NTNG1: variants seen among roughly 807,000 people sequenced by gnomAD.
NTNG1 encodes the protein netrin-G1.
A neutral mutation model predicts 54.0 loss-of-function variants in NTNG1; 16 were observed. The observed-to-expected ratio is 0.30, with a 90% CI of 0.20 to 0.45. NTNG1 has a LOEUF of 0.45. Among genes scored for constraint, NTNG1 ranks in the 20% least tolerant of loss-of-function variants. The probability of loss-of-function intolerance (pLI) is 1.00; values close to 1 mark genes in which losing one functional copy is unlikely to be tolerated. For missense variants in NTNG1, 530 were observed against 678.7 expected, an observed-to-expected ratio of 0.78 and a Z score of 2.43; for synonymous variants, 255 against 263.1, an observed-to-expected ratio of 0.97 and a Z score of 0.30.
intron 2 of NTNG1, among the ~76,000 whole-genome samples, chr1:107,207,209 A>G (rs1659263027): frequency 6.6e-6 from 1 of 152,162 alleles, no homozygotes; most frequent in Non-Finnish European, 1.5e-5. Flanking sequence ...CCTCTATAAT[A>G]GCAGAGCTGT....
intron 7 of NTNG1, among the ~76,000 whole-genome samples, 183 bp downstream of exon 7, chr1:107,436,982 T>C (rs1675640910): frequency 6.6e-6 from 1 of 152,190 alleles, no homozygotes; most frequent in Non-Finnish European, 1.5e-5. Context: ...ACTGGCTTTT[T>C]TGAAGCCCAT....
intron 2 of NTNG1, among the ~76,000 whole-genome samples, chr1:107,214,825 C>G (rs1034054846): frequency 3.4e-5 from 5 of 148,022 alleles, no homozygotes; most frequent in Non-Finnish European, 7.4e-5. Context: ...TATGGCCATT[C>G]TTGCAGGAGT....
At chr1:107,343,193 C>T (rs560054675) in intron 3 of NTNG1, among the ~76,000 whole-genome samples, 1 of 152,088 alleles carries the variant, frequency 6.6e-6, no homozygotes, top group Non-Finnish European at 1.5e-5. Context: ...GAATCAGAGC[C>T]TTCATAATTT....
At chr1:107,215,656 G>A (rs111964446) in intron 2 of NTNG1, among the ~76,000 whole-genome samples, 1 of 151,884 alleles carries the variant, frequency 6.6e-6, no homozygotes. Context: ...TTTGAGATTT[G>A]TTTTCTAGTT....
intron 2 of NTNG1, among the ~76,000 whole-genome samples, chr1:107,174,549 C>T (rs1052431688): frequency 2.0e-5 from 3 of 152,026 alleles, no homozygotes; most frequent in Non-Finnish European, 2.9e-5. Flanking sequence ...CCCACCAAGA[C>T]TTCCAAAGTG....
chr1:107,435,971 C>G (rs1485980309), intron 6 of NTNG1, among the ~76,000 whole-genome samples: 2 of 152,072 alleles, frequency 1.3e-5, no homozygotes, highest in African/African-American at 4.8e-5. Flanking sequence ...TTTTATTGTG[C>G]AAAGCTGTAT....
chr1:107,190,010 C>T (rs1657786398), intron 2 of NTNG1, among the ~76,000 whole-genome samples: 1 of 152,076 alleles, frequency 6.6e-6, no homozygotes, highest in Non-Finnish European at 1.5e-5. Context: ...TTGATACATG[C>T]TACAATATGG....
intron 7 of NTNG1, among the ~76,000 whole-genome samples, chr1:107,465,908 C>G: frequency 6.6e-6 from 1 of 152,098 alleles, no homozygotes; most frequent in Non-Finnish European, 1.5e-5. Flanking sequence ...TGTTTCTGGC[C>G]TTTTAATTAT....
intron 2 of NTNG1, among the ~76,000 whole-genome samples, chr1:107,221,193 G>A (rs1322642780): frequency 6.6e-6 from 1 of 151,844 alleles, no homozygotes; most frequent in Non-Finnish European, 1.5e-5. Context: ...TATGAAAAAG[G>A]CAATTTCATA....
intron 3 of NTNG1, among the ~76,000 whole-genome samples, chr1:107,376,429 C>CA (rs1005830149): frequency 4.3e-5 from 5 of 116,086 alleles, no homozygotes; most frequent in African/African-American, 1.6e-4. Flanking sequence ...AAAAAAAAAA[C>CA]AAAAAAAAAA....
chr1:107,310,799 C>T (rs567401050), intron 2 of NTNG1, among the ~76,000 whole-genome samples: 63 of 152,122 alleles, frequency 4.1e-4, no homozygotes, highest in African/African-American at 1.5e-3. Flanking sequence ...ATACACTACC[C>T]ATGTCCCAAA....
intron 4 of NTNG1, among the ~76,000 whole-genome samples, chr1:107,403,372 C>T (rs1358587529): frequency 2.6e-5 from 4 of 152,002 alleles, no homozygotes; most frequent in South Asian, 2.1e-4. Flanking sequence ...CTAGAAGAAG[C>T]GTTATTATTA....
chr1:107,176,049 G>T (rs1460703689), intron 2 of NTNG1, among the ~76,000 whole-genome samples: 1 of 152,120 alleles, frequency 6.6e-6, no homozygotes, highest in Non-Finnish European at 1.5e-5. Context: ...AGGCAATTGG[G>T]TAAGACAAGG....
At chr1:107,358,787 C>T (rs1048541407) in intron 3 of NTNG1, among the ~76,000 whole-genome samples, 2 of 152,026 alleles carry the variant, frequency 1.3e-5, no homozygotes, top group African/African-American at 2.4e-5. Context: ...GCCATAACAC[C>T]CTGCTGTGAG....
intron 7 of NTNG1, among the ~76,000 whole-genome samples, chr1:107,464,012 T>C (rs1571018130): frequency 2.0e-5 from 3 of 152,198 alleles, no homozygotes; most frequent in Admixed American, 2.0e-4. Flanking sequence ...AAGCAATTAG[T>C]GGCAGTTAGG....
chr1:107,260,042 A>G (rs1663205613), intron 2 of NTNG1, among the ~76,000 whole-genome samples: 1 of 151,922 alleles, frequency 6.6e-6, no homozygotes, highest in African/African-American at 2.4e-5. Flanking sequence ...ATTATAGGTT[A>G]TCTAAAATAT....
intron 2 of NTNG1, among the ~76,000 whole-genome samples, chr1:107,286,539 C>T (rs1382351755): frequency 6.6e-5 from 10 of 152,110 alleles, no homozygotes; most frequent in South Asian, 4.2e-4. Flanking sequence ...AATTTATATC[C>T]GATTTTCTAC....
chr1:107,273,930 T>TG (rs1360325591), intron 2 of NTNG1, among the ~76,000 whole-genome samples: 1 of 130,158 alleles, frequency 7.7e-6, no homozygotes, highest in Non-Finnish European at 1.6e-5. Context: ...ATTACTGAAG[T>TG]GATTTATCAT....
At chr1:107,454,358 C>A (rs1221868190) in intron 7 of NTNG1, among the ~76,000 whole-genome samples, 2 of 152,154 alleles carry the variant, frequency 1.3e-5, no homozygotes, top group Non-Finnish European at 2.9e-5. Flanking sequence ...GCAAGTTATA[C>A]TCAGATTACC....
Sources: gnomAD v4.1 joint callset for allele counts (sites outside exome capture counted in the v4.1 genomes callset) on GRCh38, gnomAD v4.1.1 for gene constraint, MANE v1.5 for transcripts, NCBI Gene and HGNC (gene_info 2026-07-23, HGNC 2026-07-21) for gene names.